CFD: variants seen among roughly 807,000 people sequenced by gnomAD.
CFD encodes the protein C3 convertase activator.
Under a neutral mutation model 21.1 loss-of-function variants are expected in CFD, and 24 were observed. That is an observed-to-expected ratio of 1.14 (90% CI 0.82 to 1.60). The LOEUF (loss-of-function observed/expected upper bound fraction) is 1.60, where lower values mean the gene tolerates loss of function less well. CFD is among the 40% of genes most tolerant of loss of function. CFD has a pLI of 0.00. For missense variants in CFD, 535 were observed against 383.3 expected (o/e 1.40, Z -3.31); for synonymous variants, 242 against 175.9 (o/e 1.38, Z -2.97).
chr19:860,154 G>A lies in CFD; in HGVS notation c.55+410G>A, dbSNP rs1651897. Reference sequence around the variant, plus strand: ...GCCCGAGGGTATCTGAGTTTGCAACGCTGAGGGGCCCCAAGACGGAAACGG... The same window carrying A: ...GCCCGAGGGTATCTGAGTTTGCAACACTGAGGGGCCCCAAGACGGAAACGG... On this transcript the variant is annotated intron_variant, in intron 1 of 4. Coordinates refer to ENST00000327726, the MANE Select transcript of CFD (RefSeq NM_001928.4). Among the ~76,000 whole-genome samples the A allele has an allele frequency of 5.2e-3, 785 of 151,976 alleles. 7 individuals carry two copies. The highest frequency in any genetic ancestry group is 0.018 in the African/African-American group (736 of 41,462).
chr19:860,518 C>A (rs376738450), intron 1 of CFD, 99 bp from the exon 2 acceptor site: 6 of 1,149,056 alleles, frequency 5.2e-6, no homozygotes, highest in East Asian at 4.7e-5. Context: ...GGGATTCTTG[C>A]GGGGAGCGGC....
chr19:862,152 G>C (rs1212220582), intron 4 of CFD, among the ~76,000 whole-genome samples, 196 bp downstream of exon 4: 2 of 147,420 alleles, frequency 1.4e-5, no homozygotes, highest in Non-Finnish European at 3.0e-5. Flanking sequence ...GGGGCATGTG[G>C]GTAGGGTGGG....
In CFD at chr19:861,795, G is replaced by A. The variant is rs752454699; in HGVS notation, c.454G>A (p.Gly152Ser). The A allele has an allele frequency of 6.2e-7, 1 of 1,604,828 alleles. No individual in the cohort carries two copies. Among genetic ancestry groups the A allele is most frequent in the South Asian group, 1.1e-5 (1 of 90,896 alleles). The change falls in exon 4 of 5, where the codon GGC becomes AGC. Residue 152 changes from glycine to serine, a missense_variant. Transcript: ENST00000327726. ...VAPGTLCDVA[G>S]WGIVNHAGRR... ...ACCGGGAACTCTCTGCGACGTGGCCGGCTGGGGCATAGTCAACCACGCGGG... is the reference window on the plus strand; with the variant it reads ...ACCGGGAACTCTCTGCGACGTGGCCAGCTGGGGCATAGTCAACCACGCGGG...
At chr19:860,815 G>T (rs1265857590) in intron 2 of CFD, 42 bp downstream of exon 2, 4 of 1,554,934 alleles carry the variant, frequency 2.6e-6, no homozygotes, top group East Asian at 2.4e-5. Context: ...CGGGTGCGGT[G>T]GGGGGAGTCG....
rs2035757206 is a variant in CFD at position 859,680 on chromosome 19, C to A, written c.-10C>A. ...GCCTGGGTCAGTGTCTCAGCCACAG[C>A]GGCTTCACCATGCACAGCTGGGAGC... On this transcript the variant is annotated 5_prime_UTR_variant, in exon 1 of 5. Coordinates refer to ENST00000327726, the MANE Select transcript of CFD (RefSeq NM_001928.4). 2 of 1,561,854 alleles carry A rather than the reference C, an allele frequency of 1.3e-6. No homozygotes were observed. The highest frequency in any genetic ancestry group is 1.4e-5 in the African/African-American group (1 of 73,744).
In CFD at chr19:860,958, C is replaced by T; in HGVS notation, c.310C>T (p.Pro104Ser). 6.2e-7 allele frequency: 1 copy of T among 1,600,698 alleles called. No individual in the cohort carries two copies. Among genetic ancestry groups the T allele is most frequent in the Non-Finnish European group, 8.5e-7 (1 of 1,179,550 alleles). The stretch of plus-strand genomic sequence containing the variant: ...CGACGTGCTCCGCGCAGTGCCCCAC[C>T]CGGACAGCCAGCCCGACACCATCGA... ...LYDVLRAVPH[P>S]DSQPDTIDHD... is the part of the protein sequence containing the mutation. Residue 104 changes from proline (P) to serine (S), a missense_variant, in exon 3 of 5, where the codon CCG becomes TCG. Physicochemically the swap from Pro to Ser is moderately conservative, Grantham distance 74. Transcript: ENST00000327726.
chr19:861,593 C>G (rs1683563), intron 3 of CFD, 106 bp from the exon 4 acceptor site: 790,909 of 1,376,048 alleles, frequency 0.57, 234,286 homozygotes, highest in Non-Finnish European at 0.61. Flanking sequence ...GACCCACGCC[C>G]CTGCCCTGAT....
In CFD at chr19:860,430, A is replaced by ACCC. The variant is rs57197777; in HGVS notation, c.56-181_56-179dup. Reference sequence around the variant, plus strand: ...TTGAACTCCTGACCTCATGATCTGCACCCCCCCCTCCCCCCCCGCCCCCGC... The same window carrying ACCC: ...TTGAACTCCTGACCTCATGATCTGCACCCCCCCCCCCTCCCCCCCCGCCCCCGC... On this transcript the variant is annotated intron_variant, in intron 1 of 4. Transcript: ENST00000327726. Among the ~76,000 whole-genome samples the ACCC allele has an allele frequency of 5.9e-3, 827 of 140,356 alleles. 1 individual carries two copies. The highest frequency in any genetic ancestry group is 0.018 in the Middle Eastern group (5 of 274). 92.1% of individuals were successfully genotyped at this position (140,356 alleles called of 152,430 possible). A position where few individuals can be genotyped will look rare whatever the true frequency, so the allele number is the denominator to read the frequency against.
chr19:861,984 CGGGGCCTGCAGGCCCCGGGA>C (rs1210551221), intron 4 of CFD, 28 bp downstream of exon 4: 1 of 1,528,006 alleles, frequency 6.5e-7, no homozygotes, highest in Non-Finnish European at 8.7e-7. Context: ...GGAGGAGACG[CGGGGCCTGCAGGCCCCGGGA>C]AGGGCCTGCA....
rs890228125 is a variant in CFD, at chr19:862,002, GGAAGGGCCTGCAGAGGGAGCGC to G, written c.615+51_615+72del. The G allele has an allele frequency of 2.3e-5, 35 of 1,510,912 alleles. No individual in the cohort carries two copies. The African/African-American group carries it at 4.6e-4, about 20-fold the overall frequency. The allele number at this position is 1,510,912 out of a possible 1,614,324, so 93.6% of individuals were successfully genotyped here. ...GGAGACGCGGGGCCTGCAGGCCCCGGGAAGGGCCTGCAGAGGGAGCGCGAAGCGGGGGGCAAGTAGGAACAGG... is the reference window on the plus strand; with the variant it reads ...GGAGACGCGGGGCCTGCAGGCCCCGGGAAGCGGGGGGCAAGTAGGAACAGG... On this transcript the variant is annotated intron_variant, in intron 4 of 4. Transcript: ENST00000327726.
At chr19:860,534 G>C (rs1599299714) in intron 1 of CFD, 83 bp from the exon 2 acceptor site, 1 of 1,315,056 alleles carries the variant, frequency 7.6e-7, no homozygotes, top group African/African-American at 1.6e-5. Context: ...GCGGCCTGGG[G>C]GGTGAGAGCT....
intron 4 of CFD, among the ~76,000 whole-genome samples, chr19:862,614 A>T (rs927566218): frequency 6.6e-6 from 1 of 151,512 alleles, no homozygotes; most frequent in Non-Finnish European, 1.5e-5. Flanking sequence ...GGTCCTGAGC[A>T]GGGCAGAGGT....
In CFD at chr19:863,231, T is replaced by TGGATCA. The variant is rs1234251128; in HGVS notation, c.757_758insATCAGG (p.Leu252_Ala253insAspGln). On this transcript the variant is annotated inframe_insertion, in exon 5 of 5. Coordinates refer to ENST00000327726, the MANE Select transcript of CFD (RefSeq NM_001928.4). Reference sequence around the variant, plus strand: ...TATGCGGCCTGGATCGACAGCGTCCTGGCCTAGGGTGCCGGGGCCTGAAGG... The same window carrying TGGATCA: ...TATGCGGCCTGGATCGACAGCGTCCTGGATCAGGCCTAGGGTGCCGGGGCCTGAAGG... 1.9e-6 allele frequency: 3 copies of TGGATCA among 1,546,444 alleles called. No homozygotes were observed. The highest frequency in any genetic ancestry group is 2.6e-6 in the Non-Finnish European group (3 of 1,152,520).
rs1230676799 is a variant in CFD at position 860,790 on chromosome 19, C to T, written c.212+17C>T. The T allele has an allele frequency of 6.4e-7, 1 of 1,560,420 alleles. No homozygotes were observed. The highest frequency in any genetic ancestry group is 8.6e-7 in the Non-Finnish European group (1 of 1,161,494). The stretch of plus-strand genomic sequence containing the variant: ...GGAGGACGCGTGAGTGCCCGCGCCG[C>T]GCGGGGGAAGAGCCCGGGTGCGGTG... On this transcript the variant is annotated intron_variant, in intron 2 of 4. Coordinates refer to ENST00000327726, the MANE Select transcript of CFD (RefSeq NM_001928.4).
chr19:860,729 G>A lies in CFD; in HGVS notation c.168G>A (p.Val56=). 1 of 1,566,806 alleles carries A rather than the reference G, an allele frequency of 6.4e-7. No individual in the cohort carries two copies. The highest frequency in any genetic ancestry group is 8.6e-7 in the Non-Finnish European group (1 of 1,165,804). The part of the protein sequence containing the change: ...NGAHLCGGVL[V]AEQWVLSAAH... Reference sequence around the variant, plus strand: ...CGCACCTGTGCGGCGGCGTCCTGGTGGCGGAGCAGTGGGTGCTGAGCGCGG... The same window carrying A: ...CGCACCTGTGCGGCGGCGTCCTGGTAGCGGAGCAGTGGGTGCTGAGCGCGG... Residue 56 remains valine (V), a synonymous_variant, in exon 2 of 5, where the codon GTG becomes GTA. Coordinates refer to ENST00000327726, the MANE Select transcript of CFD (RefSeq NM_001928.4).
rs777293488 is a variant in CFD, at chr19:861,815, C to T, written c.474C>T (p.His158=). 5 of 1,602,584 alleles carry T rather than the reference C, an allele frequency of 3.1e-6. No homozygotes were observed. In the East Asian group the frequency reaches 6.7e-5, roughly 21 times the overall value. Residue 158 remains histidine (H), a synonymous_variant, in exon 4 of 5, where the codon CAC becomes CAT. Transcript: ENST00000327726. The part of the protein sequence containing the change: ...CDVAGWGIVN[H]AGRRPDSLQH... ...TGGCCGGCTGGGGCATAGTCAACCA[C>T]GCGGGCCGCCGCCCGGACAGCCTGC... is the stretch of plus-strand genomic sequence containing the variant.
intron 4 of CFD, 46 bp downstream of exon 4, chr19:862,002 G>A: frequency 6.6e-7 from 1 of 1,510,914 alleles, no homozygotes; most frequent in Non-Finnish European, 8.8e-7. Context: ...GCAGGCCCCG[G>A]GAAGGGCCTG....
chr19:860,916 C>T lies in CFD; in HGVS notation c.268C>T (p.Pro90Ser), dbSNP rs1345193239. 1.0e-5 allele frequency: 16 copies of T among 1,597,746 alleles called. No homozygotes were observed. The highest frequency in any genetic ancestry group is 4.5e-5 in the East Asian group (2 of 44,456). Residue 90 changes from proline (P) to serine (S), a missense_variant, in exon 3 of 5, where the codon CCC becomes TCC. Coordinates refer to ENST00000327726, the MANE Select transcript of CFD (RefSeq NM_001928.4). Reference protein sequence around the residue: ...LGAHSLSQPEPSKRLYDVLRA... With the variant: ...LGAHSLSQPESSKRLYDVLRA... ...CGCGCACTCCCTGTCGCAGCCGGAG[C>T]CCTCCAAGCGCCTGTACGACGTGCT... is the stretch of plus-strand genomic sequence containing the variant.
At chr19:861,289 C>T (rs556805545) in intron 3 of CFD, among the ~76,000 whole-genome samples, 1 of 69,410 alleles carries the variant, frequency 1.4e-5, no homozygotes, top group Admixed American at 1.2e-4. Context: ...CGGGTCTAGC[C>T]TCGACCTCTC....
Sources: gnomAD v4.1 joint callset for allele counts (sites outside exome capture counted in the v4.1 genomes callset) on GRCh38, gnomAD v4.1.1 for gene constraint, MANE v1.5 for transcripts, NCBI Gene and HGNC (gene_info 2026-07-23, HGNC 2026-07-21) for gene names.